SNX19: variants seen among roughly 807,000 people sequenced by gnomAD.
The protein encoded by SNX19 is sorting nexin-19.
Under a neutral mutation model 85.2 loss-of-function variants are expected in SNX19, and 60 were observed. The ratio of observed to expected loss-of-function variants is 0.70; its 90% confidence interval spans 0.57 to 0.87. The LOEUF is 0.87. SNX19 is among the 40% of genes least tolerant of loss of function. SNX19 has a pLI of 0.00. For synonymous variants in SNX19, 520 were observed against 470.0 expected, an observed-to-expected ratio of 1.11 and a Z score of -1.38; for missense variants, 1,201 against 1,217.8, an observed-to-expected ratio of 0.99 and a Z score of 0.21.
intron 8 of SNX19, among the ~76,000 whole-genome samples, chr11:130,898,097 C>T (rs1425510550): frequency 6.6e-6 from 1 of 152,010 alleles, no homozygotes; most frequent in Non-Finnish European, 1.5e-5. Context: ...TGGCTCAGAT[C>T]AGAGCTCTTC....
chr11:130,906,078 T>G lies in SNX19; in HGVS notation c.2318A>C (p.Lys773Thr). 6.2e-7 allele frequency: 1 copy of G among 1,614,162 alleles called. No homozygotes were observed. The highest frequency in any genetic ancestry group is 8.5e-7 in the Non-Finnish European group (1 of 1,180,028). ...TTTTGTTGGCTGCATTTCCAGTAAC[T>G]TTGTCTGTTTTTCAATAAAAGATTC... ...AMESFIEKQT[K>T]LLEMQPTKAP... The change falls in exon 7 of 11, where the codon AAG becomes ACG. Residue 773 changes from lysine to threonine, a missense_variant. Physicochemically the swap from Lys to Thr is moderately conservative, Grantham distance 78. Transcript: ENST00000265909.
chr11:130,876,374 G>A lies in SNX19; in HGVS notation c.*2048C>T, dbSNP rs1289311370. 1 of 152,628 alleles carries A rather than the reference G, an allele frequency of 6.6e-6. No individual in the cohort carries two copies. The highest frequency in any genetic ancestry group is 2.1e-4 in the South Asian group (1 of 4,830). The allele number at this position is 152,628 out of a possible 1,614,324, so 9.5% of individuals were successfully genotyped here. A position where few individuals can be genotyped will look rare whatever the true frequency, so the allele number is the denominator to read the frequency against. On this transcript the variant is annotated 3_prime_UTR_variant, in exon 11 of 11. Transcript: ENST00000265909. ...ATTATTTCCCTCCTGGGTAGAAGGAGGATCTGAGGACAGCTTATCTTTTTG... is the reference window on the plus strand; with the variant it reads ...ATTATTTCCCTCCTGGGTAGAAGGAAGATCTGAGGACAGCTTATCTTTTTG...
rs1049035812 is a variant in SNX19 at position 130,868,502 on chromosome 11, G to A, written c.*9920C>T. Reference sequence around the variant, plus strand: ...GTTAAGAGCTGCCAGCCTGGGGTCTGTTTCTGGGACATTTCCACCTTAGAT... The same window carrying A: ...GTTAAGAGCTGCCAGCCTGGGGTCTATTTCTGGGACATTTCCACCTTAGAT... On this transcript the variant is annotated 3_prime_UTR_variant, in exon 11 of 11. Transcript: ENST00000265909. The A allele has an allele frequency of 1.1e-4, 17 of 152,236 alleles. No individual in the cohort carries two copies. The highest frequency in any genetic ancestry group is 3.9e-4 in the African/African-American group (16 of 41,448). 9.4% of individuals were successfully genotyped at this position (152,236 alleles called of 1,614,324 possible). A position where few individuals can be genotyped will look rare whatever the true frequency, so the allele number is the denominator to read the frequency against.
At chr11:130,903,682 T>G (rs1945426263) in intron 7 of SNX19, among the ~76,000 whole-genome samples, 1 of 146,896 alleles carries the variant, frequency 6.8e-6, no homozygotes, top group Admixed American at 7.1e-5. Flanking sequence ...AATATATATA[T>G]GTGTGTATAT....
At position 130,896,319 on chromosome 11, in the gene SNX19, C is replaced by A. The variant is rs180781845; in HGVS notation, c.2573+6936G>T. Among the ~76,000 whole-genome samples, 149 of 152,308 alleles carry A rather than the reference C, an allele frequency of 9.8e-4. 1 individual carries two copies. Among genetic ancestry groups the A allele is most frequent in the African/African-American group, 3.3e-3 (136 of 41,564 alleles). On this transcript the variant is annotated intron_variant, in intron 8 of 10. Coordinates refer to ENST00000265909, the MANE Select transcript of SNX19 (RefSeq NM_014758.3). Reference sequence around the variant, plus strand: ...AACTCTGAGTCTTAACGTTGATAATCTTTTCCTGATTGTGAATAGCATATA... The same window carrying A: ...AACTCTGAGTCTTAACGTTGATAATATTTTCCTGATTGTGAATAGCATATA...
At chr11:130,898,767 T>A (rs1306779166) in intron 8 of SNX19, among the ~76,000 whole-genome samples, 1 of 152,218 alleles carries the variant, frequency 6.6e-6, no homozygotes, top group Non-Finnish European at 1.5e-5. Context: ...GATAGTAACA[T>A]GGGCTGTCTT....
At position 130,879,617 on chromosome 11, in the gene SNX19, C is replaced by T. The variant is rs1396476701; in HGVS notation, c.2846+7G>A. 6.2e-7 allele frequency: 1 copy of T among 1,613,166 alleles called. No homozygotes were observed. The highest frequency in any genetic ancestry group is 1.1e-5 in the South Asian group (1 of 91,044). ...TGCTGATGTTGGAATAACATTTTCC[C>T]ACTTACCTGTTGATGAGGGGTTGTT... On this transcript the variant is annotated splice_region_variant and intron_variant, in intron 10 of 10. Coordinates refer to ENST00000265909, the MANE Select transcript of SNX19 (RefSeq NM_014758.3).
At position 130,875,078 on chromosome 11, in the gene SNX19, C is replaced by T. The variant is rs1366183703; in HGVS notation, c.*3344G>A. On this transcript the variant is annotated 3_prime_UTR_variant, in exon 11 of 11. Transcript: ENST00000265909. Reference sequence around the variant, plus strand: ...AGTCACACTCCCATGTTCACTGCAGCATTGTTTTCAACAATCAAGGCGCGG... The same window carrying T: ...AGTCACACTCCCATGTTCACTGCAGTATTGTTTTCAACAATCAAGGCGCGG... 1.3e-5 allele frequency among the ~76,000 whole-genome samples: 2 copies of T among 152,246 alleles called. No individual in the cohort carries two copies.
intron 6 of SNX19, 48 bp from the exon 7 acceptor site, chr11:130,906,181 G>C (rs768258102): frequency 6.3e-7 from 1 of 1,580,434 alleles, no homozygotes; most frequent in Non-Finnish European, 8.6e-7. Flanking sequence ...TGACAGTAGG[G>C]GAGCAAATGC....
chr11:130,884,475 G>A (rs1206104889), intron 8 of SNX19, among the ~76,000 whole-genome samples: 3 of 152,154 alleles, frequency 2.0e-5, no homozygotes, highest in Non-Finnish European at 2.9e-5. Flanking sequence ...TCCAGCATCA[G>A]TTTCTGGACT....
intron 8 of SNX19, among the ~76,000 whole-genome samples, chr11:130,882,000 T>G (rs1028268585): frequency 9.2e-5 from 14 of 152,242 alleles, no homozygotes; most frequent in African/African-American, 3.4e-4. Flanking sequence ...AAATTTTCCC[T>G]TTGTCTTACT....
At chr11:130,881,895 A>G (rs1943702838) in intron 8 of SNX19, among the ~76,000 whole-genome samples, 1 of 152,236 alleles carries the variant, frequency 6.6e-6, no homozygotes, top group South Asian at 2.1e-4. Flanking sequence ...TATAAGCTGT[A>G]AGAGTTCTGT....
At chr11:130,894,748 T>C in intron 8 of SNX19, 1 of 985,450 alleles carries the variant, frequency 1.0e-6, no homozygotes, top group South Asian at 4.7e-5. Context: ...TATTTGAAAG[T>C]AGAATGCCCC....
At chr11:130,912,041 T>C (rs1324487747) in intron 1 of SNX19, among the ~76,000 whole-genome samples, 1 of 151,804 alleles carries the variant, frequency 6.6e-6, no homozygotes, top group Non-Finnish European at 1.5e-5. Context: ...TACATAACTG[T>C]TTTTCAAATG....
chr11:130,890,452 CTGTT>C (rs1433579149), intron 8 of SNX19, among the ~76,000 whole-genome samples: 1 of 152,156 alleles, frequency 6.6e-6, no homozygotes, highest in Non-Finnish European at 1.5e-5. Flanking sequence ...ATGTCATCAT[CTGTT>C]TATGTTTTGT....
chr11:130,880,921 A>C, intron 8 of SNX19, 115 bp from the exon 9 acceptor site: 3 of 857,682 alleles, frequency 3.5e-6, no homozygotes, highest in Non-Finnish European at 5.2e-6. Flanking sequence ...CCTAACCCTC[A>C]AGGTGATGGC....
At chr11:130,882,309 C>T (rs1172236402) in intron 8 of SNX19, among the ~76,000 whole-genome samples, 1 of 152,226 alleles carries the variant, frequency 6.6e-6, no homozygotes, top group African/African-American at 2.4e-5. Flanking sequence ...CACATGGCAG[C>T]TCATGCCATC....
rs562313041 is a variant in SNX19 at position 130,884,037 on chromosome 11, T to G, written c.2574-3231A>C. Among the ~76,000 whole-genome samples the G allele has an allele frequency of 2.0e-5, 3 of 152,356 alleles. No individual in the cohort carries two copies. The East Asian group carries it at 5.8e-4, about 29-fold the overall frequency. On this transcript the variant is annotated intron_variant, in intron 8 of 10. Coordinates refer to ENST00000265909, the MANE Select transcript of SNX19 (RefSeq NM_014758.3). ...TACTTTGCCTTGCCCAACACCTGGA[T>G]GGAACCAACTGCCACTGGTTCTTGA...
chr11:130,901,729 G>C (rs144356335), intron 8 of SNX19: 76 of 152,214 alleles, frequency 5.0e-4, no homozygotes, highest in African/African-American at 1.6e-3. Flanking sequence ...GCGTTACCTA[G>C]AGCCCCAGTA....
Sources: allele counts gnomAD v4.1 joint callset (sites outside exome capture counted in the v4.1 genomes callset), GRCh38; gene constraint gnomAD v4.1.1; transcripts MANE v1.5; gene names NCBI Gene and HGNC (gene_info 2026-07-23, HGNC 2026-07-21).